The following LRRC1 variants were observed in gnomAD, a reference collection of about 807,000 sequenced individuals.
The protein encoded by LRRC1 is leucine rich repeat containing 1, also known as leucine-rich repeat-containing protein 1.
A neutral mutation model predicts 69.9 loss-of-function variants in LRRC1; 28 were observed. The observed-to-expected ratio is 0.40, with a 90% CI of 0.30 to 0.55. LRRC1 has a LOEUF of 0.55. LRRC1 is among the 20% of genes least tolerant of loss of function. The pLI is 0.47. For synonymous variants in LRRC1, 236 were observed against 240.2 expected, an observed-to-expected ratio of 0.98 and a Z score of 0.16; for missense variants, 498 against 609.0, an observed-to-expected ratio of 0.82 and a Z score of 1.92.
chr6:53,864,283 C>T (rs995750381), intron 2 of LRRC1, among the ~76,000 whole-genome samples: 5 of 152,142 alleles, frequency 3.3e-5, no homozygotes, highest in East Asian at 1.9e-4. Context: ...GTTCACTTCC[C>T]GGCAAACTTG....
chr6:53,912,233 G>A (rs1215522571), intron 10 of LRRC1, among the ~76,000 whole-genome samples: 5 of 152,180 alleles, frequency 3.3e-5, no homozygotes, highest in Non-Finnish European at 7.3e-5. Context: ...GGTTCTTCAT[G>A]TGGTATTTTG....
chr6:53,917,504 C>CCT (rs1768604412), intron 11 of LRRC1, among the ~76,000 whole-genome samples: 1 of 152,186 alleles, frequency 6.6e-6, no homozygotes, highest in Non-Finnish European at 1.5e-5. Context: ...TCCTTAGAAG[C>CCT]TGTGATTTAT....
rs78242365 is a variant in LRRC1, at chr6:53,842,252, C to G, written c.277+25C>G. 2,790 of 1,515,918 alleles carry G rather than the reference C, an allele frequency of 1.8e-3. 38 individuals are homozygous for G. The African/African-American group carries it at 0.031, about 17-fold the overall frequency. The allele number at this position is 1,515,918 out of a possible 1,614,324, so 93.9% of individuals were successfully genotyped here. A position where few individuals can be genotyped will look rare whatever the true frequency, so the allele number is the denominator to read the frequency against. Reference sequence around the variant, plus strand: ...GGTAAGAAAGATTCCACTTGGGTTGCCTATTTGTCTCTTCAGATGCTGGGG... The same window carrying G: ...GGTAAGAAAGATTCCACTTGGGTTGGCTATTTGTCTCTTCAGATGCTGGGG... On this transcript the variant is annotated intron_variant, in intron 2 of 13. Transcript: ENST00000370888.
chr6:53,902,849 CAA>C, intron 9 of LRRC1, 102 bp downstream of exon 9: 1 of 728,598 alleles, frequency 1.4e-6, no homozygotes. Flanking sequence ...TATTACATCC[CAA>C]AACGGTCTTA....
intron 1 of LRRC1, among the ~76,000 whole-genome samples, chr6:53,805,359 A>G (rs1402563915): frequency 1.3e-5 from 2 of 151,792 alleles, no homozygotes; most frequent in African/African-American, 4.8e-5. Flanking sequence ...ATAGATTCTT[A>G]CTCTGGGTTG....
In LRRC1 at chr6:53,922,738, ACT is replaced by A; in HGVS notation, c.1522_1523del (p.Ser508LysfsTer10). On this transcript the variant is annotated frameshift_variant, in exon 14 of 14. Transcript: ENST00000370888. LOFTEE classifies it high-confidence loss of function. ...GACATGAATGCTGCTAAAGGACTGG[ACT>A]CAAACAAAAACGAGGTCAATCATGC... 2 of 1,614,100 alleles carry A rather than the reference ACT, an allele frequency of 1.2e-6. No individual in the cohort carries two copies. The highest frequency in any genetic ancestry group is 1.7e-6 in the Non-Finnish European group (2 of 1,179,970).
At chr6:53,858,482 T>C (rs1766391378) in intron 2 of LRRC1, among the ~76,000 whole-genome samples, 1 of 152,196 alleles carries the variant, frequency 6.6e-6, no homozygotes, top group African/African-American at 2.4e-5. Context: ...ACTGTCCCTC[T>C]TGTATTCATC....
intron 1 of LRRC1, among the ~76,000 whole-genome samples, chr6:53,836,028 C>T (rs145175936): frequency 6.6e-6 from 1 of 152,290 alleles, no homozygotes; most frequent in Non-Finnish European, 1.5e-5. Context: ...CCCAAGAGTC[C>T]TTGCAGCTTT....
chr6:53,825,854 A>T (rs1372502745), intron 1 of LRRC1, among the ~76,000 whole-genome samples: 1 of 151,786 alleles, frequency 6.6e-6, no homozygotes, highest in Non-Finnish European at 1.5e-5. Context: ...ATTGTTCTTT[A>T]TGCTGTCTTT....
chr6:53,918,073 C>T (rs914517503), intron 11 of LRRC1, among the ~76,000 whole-genome samples: 1 of 152,250 alleles, frequency 6.6e-6, no homozygotes, highest in Non-Finnish European at 1.5e-5. Context: ...GTGTCCTTCT[C>T]TAGCTGTGAG....
chr6:53,864,474 AACCGCT>A (rs1423421280), intron 2 of LRRC1, among the ~76,000 whole-genome samples: 1 of 152,254 alleles, frequency 6.6e-6, no homozygotes, highest in East Asian at 1.9e-4. Flanking sequence ...TCAGACCCTC[AACCGCT>A]ACTTTGCAGT....
chr6:53,833,774 A>G (rs1765529610), intron 1 of LRRC1, among the ~76,000 whole-genome samples: 2 of 152,186 alleles, frequency 1.3e-5, no homozygotes. Flanking sequence ...GGGCAGGGAG[A>G]AATATCTCTT....
At chr6:53,919,779 G>T (rs1052152744) in intron 12 of LRRC1, 109 bp downstream of exon 12, 34 of 1,002,864 alleles carry the variant, frequency 3.4e-5, no homozygotes, top group African/African-American at 5.0e-5. Flanking sequence ...TATCCAGTCT[G>T]CACCTAGAGC....
At chr6:53,830,536 G>A (rs749286159) in intron 1 of LRRC1, among the ~76,000 whole-genome samples, 3 of 152,134 alleles carry the variant, frequency 2.0e-5, no homozygotes, top group East Asian at 1.9e-4. Flanking sequence ...GATCTGTTTC[G>A]TGTTTGCATA....
intron 2 of LRRC1, among the ~76,000 whole-genome samples, chr6:53,868,372 G>A (rs1280792963): frequency 6.6e-6 from 1 of 151,962 alleles, no homozygotes; most frequent in Non-Finnish European, 1.5e-5. Context: ...TTACAGGCAT[G>A]CACCACGATG....
rs557342356 is a variant in LRRC1, at chr6:53,882,054, G to A, written c.357-833G>A. Among the ~76,000 whole-genome samples, 17 of 152,252 alleles carry A rather than the reference G, an allele frequency of 1.1e-4. No individual in the cohort carries two copies. The South Asian group carries it at 3.1e-3, about 28-fold the overall frequency. ...ACTTAAATAGAACTAAAAGAAAAAT[G>A]TTAAGAAAGTAGCAGTTGTCGCGGT... On this transcript the variant is annotated intron_variant, in intron 3 of 13. Transcript: ENST00000370888.
intron 2 of LRRC1, among the ~76,000 whole-genome samples, chr6:53,844,887 C>T (rs1765892072): frequency 6.6e-6 from 1 of 152,256 alleles, no homozygotes; most frequent in Admixed American, 6.5e-5. Context: ...AGGTTCAGGG[C>T]TTTCCTGGAG....
intron 1 of LRRC1, among the ~76,000 whole-genome samples, chr6:53,807,404 CA>C (rs1379688518): frequency 6.6e-6 from 1 of 152,122 alleles, no homozygotes; most frequent in Non-Finnish European, 1.5e-5. Context: ...GGATGGAAAA[CA>C]GATAAGAAAA....
chr6:53,900,072 C>G (rs1432996424), intron 8 of LRRC1, among the ~76,000 whole-genome samples, 181 bp downstream of exon 8: 2 of 129,736 alleles, frequency 1.5e-5, no homozygotes, highest in African/African-American at 5.9e-5. Context: ...GAGTCTCGCT[C>G]TGTCGCCCAG....
Sources: allele counts gnomAD v4.1 joint callset (sites outside exome capture counted in the v4.1 genomes callset), GRCh38; gene constraint gnomAD v4.1.1; transcripts MANE v1.5; gene names NCBI Gene and HGNC (gene_info 2026-07-23, HGNC 2026-07-21).